The following MMD variants were observed in gnomAD, a reference collection of about 807,000 sequenced individuals.
The protein encoded by MMD is monocyte to macrophage differentiation factor.
A neutral mutation model predicts 33.6 loss-of-function variants in MMD; 22 were observed. The observed-to-expected ratio is 0.66, with a 90% CI of 0.47 to 0.94. MMD has a LOEUF of 0.94. Ranked by LOEUF, MMD falls within the 40% of genes least tolerant of loss-of-function variation. The probability of loss-of-function intolerance (pLI) is 0.00; values close to 1 mark genes in which losing one functional copy is unlikely to be tolerated. For missense variants in MMD, 242 were observed against 309.8 expected (o/e 0.78, Z 1.64); for synonymous variants, 97 against 103.2 (o/e 0.94, Z 0.36).
At chr17:55,411,179 G>T in intron 3 of MMD, 78 bp downstream of exon 3, 1 of 1,486,854 alleles carries the variant, frequency 6.7e-7, no homozygotes, top group Non-Finnish European at 9.1e-7. Context: ...CTTGACTAAA[G>T]CATGCCAGCT....
chr17:55,406,313 G>C (rs145044499), intron 4 of MMD, among the ~76,000 whole-genome samples: 2,016 of 152,092 alleles, frequency 0.013, 32 homozygotes, highest in Non-Finnish European at 0.021. Context: ...AGAATCACTT[G>C]AAACTGGGAG....
At position 55,411,431 on chromosome 17, in the gene MMD, A is replaced by G. The variant is rs372609790; in HGVS notation, c.109-14T>C. On this transcript the variant is annotated splice_polypyrimidine_tract_variant and intron_variant, in intron 2 of 6. Coordinates refer to ENST00000262065, the MANE Select transcript of MMD (RefSeq NM_012329.3). ...AACAATGAGGAACTGAGGGAAAGATAAAGAATGGTGAATGGAATATTCTGG... is the reference window on the plus strand; with the variant it reads ...AACAATGAGGAACTGAGGGAAAGATGAAGAATGGTGAATGGAATATTCTGG... The G allele has an allele frequency of 9.8e-5, 157 of 1,605,430 alleles. No individual in the cohort carries two copies. Among genetic ancestry groups the G allele is most frequent in the Non-Finnish European group, 1.2e-4 (142 of 1,177,046 alleles).
intron 1 of MMD, 137 bp downstream of exon 1, chr17:55,421,533 G>A: frequency 5.6e-6 from 7 of 1,248,544 alleles, no homozygotes; most frequent in Non-Finnish European, 6.7e-6. Context: ...GAATCCCCAG[G>A]GAACTGATCC....
intron 6 of MMD, among the ~76,000 whole-genome samples, chr17:55,395,965 G>A (rs1733377711): frequency 1.3e-5 from 2 of 152,218 alleles, no homozygotes; most frequent in Admixed American, 1.3e-4. Flanking sequence ...CCTTATTGCA[G>A]AGGTGAGGAG....
In MMD at chr17:55,392,911, T is replaced by C. The variant is rs947551356; in HGVS notation, c.*1423A>G. ...TCAAAATCAGAGAGTTCTAAACATA[T>C]ACAAAATAAACCTCTTTTAAAGCCA... On this transcript the variant is annotated 3_prime_UTR_variant, in exon 7 of 7. Coordinates refer to ENST00000262065, the MANE Select transcript of MMD (RefSeq NM_012329.3). 2 of 152,064 alleles carry C rather than the reference T, an allele frequency of 1.3e-5. No homozygotes were observed. Among genetic ancestry groups the C allele is most frequent in the African/African-American group, 2.4e-5 (1 of 41,402 alleles). 9.4% of individuals were successfully genotyped at this position (152,064 alleles called of 1,614,324 possible).
In MMD at chr17:55,403,882, C is replaced by G. The variant is rs757706530; in HGVS notation, c.345-14G>C. 2 of 1,582,922 alleles carry G rather than the reference C, an allele frequency of 1.3e-6. No individual in the cohort carries two copies. The highest frequency in any genetic ancestry group is 4.5e-5 in the East Asian group (2 of 44,614). On this transcript the variant is annotated splice_polypyrimidine_tract_variant and intron_variant, in intron 4 of 6. Coordinates refer to ENST00000262065, the MANE Select transcript of MMD (RefSeq NM_012329.3). ...CGAAGATTTAACCTAAAAATGTAAACGTGACAACAAAGAACAGAAGTGATA... is the reference window on the plus strand; with the variant it reads ...CGAAGATTTAACCTAAAAATGTAAAGGTGACAACAAAGAACAGAAGTGATA...
rs568642630 is a variant in MMD, at chr17:55,395,032, T to C, written c.517-498A>G. 3.3e-5 allele frequency among the ~76,000 whole-genome samples: 5 copies of C among 152,358 alleles called. 1 individual carries two copies. Among genetic ancestry groups the C allele is most frequent in the African/African-American group, 1.2e-4 (5 of 41,588 alleles). On this transcript the variant is annotated intron_variant, in intron 6 of 6. Coordinates refer to ENST00000262065, the MANE Select transcript of MMD (RefSeq NM_012329.3). ...GACTTCCCCTGCTTATGTGAGCTTA[T>C]AGATTCCTTAAGGCTGACACAGGAA... is the stretch of plus-strand genomic sequence containing the variant.
chr17:55,407,645 A>G (rs980199054), intron 4 of MMD, 101 bp downstream of exon 4: 7 of 1,045,632 alleles, frequency 6.7e-6, no homozygotes, highest in East Asian at 2.5e-5. Context: ...TGGTGTACAC[A>G]TGAGGGCTGA....
intron 5 of MMD, 37 bp from the exon 6 acceptor site, chr17:55,401,575 A>G (rs1567846844): frequency 1.3e-6 from 2 of 1,526,028 alleles, no homozygotes; most frequent in South Asian, 2.4e-5. Context: ...TAACTTATAA[A>G]TTTCTATAAC....
chr17:55,410,190 TG>T (rs1907707739), intron 3 of MMD, among the ~76,000 whole-genome samples: 1 of 152,240 alleles, frequency 6.6e-6, no homozygotes, highest in Non-Finnish European at 1.5e-5. Context: ...TGAAGTGATT[TG>T]AATTAGATGA....
intron 4 of MMD, among the ~76,000 whole-genome samples, chr17:55,405,619 C>A (rs529295412): frequency 6.6e-6 from 1 of 151,930 alleles, no homozygotes; most frequent in African/African-American, 2.4e-5. Context: ...TTTGGAACAC[C>A]CTGTAGGTTC....
At chr17:55,403,561 C>T (rs1026825643) in intron 5 of MMD, among the ~76,000 whole-genome samples, 2 of 152,170 alleles carry the variant, frequency 1.3e-5, no homozygotes, top group Non-Finnish European at 1.5e-5. Context: ...TACATTATAC[C>T]AAACCTGTAC....
intron 2 of MMD, among the ~76,000 whole-genome samples, chr17:55,412,866 C>T (rs1356751868): frequency 1.3e-5 from 2 of 151,946 alleles, no homozygotes; most frequent in Admixed American, 6.6e-5. Flanking sequence ...TAAAGGAATG[C>T]CCTTTATCTT....
chr17:55,394,573 T>G (rs781378621), intron 6 of MMD, 39 bp from the exon 7 acceptor site: 1 of 1,377,466 alleles, frequency 7.3e-7, no homozygotes, highest in African/African-American at 1.5e-5. Flanking sequence ...GGTTTGATGT[T>G]ACTCTGCATG....
At chr17:55,417,629 C>T (rs1908019975) in intron 1 of MMD, among the ~76,000 whole-genome samples, 1 of 151,944 alleles carries the variant, frequency 6.6e-6, no homozygotes, top group Admixed American at 6.6e-5. Context: ...CATCTCTACA[C>T]ACAAAAAAAA....
At chr17:55,411,634 C>T (rs1344525778) in intron 2 of MMD, among the ~76,000 whole-genome samples, 1 of 151,440 alleles carries the variant, frequency 6.6e-6, no homozygotes, top group Admixed American at 6.6e-5. Context: ...TTGTGCCAAC[C>T]AGTGGGGATA....
At chr17:55,397,888 G>A (rs2143118699) in intron 6 of MMD, among the ~76,000 whole-genome samples, 1 of 152,138 alleles carries the variant, frequency 6.6e-6, no homozygotes, top group South Asian at 2.1e-4. Context: ...CTGCTCCCAT[G>A]AATTCTGATA....
chr17:55,420,617 A>C (rs1269677944), intron 1 of MMD: 4 of 152,154 alleles, frequency 2.6e-5, no homozygotes, highest in Non-Finnish European at 5.9e-5. Flanking sequence ...TAAAATTCTG[A>C]AATAAAAGGT....
Position 55,421,718 on chromosome 17 carries a change from G to A in MMD, c.-23C>T, listed in dbSNP as rs1241172395. The A allele has an allele frequency of 3.8e-6, 6 of 1,584,320 alleles. No individual in the cohort carries two copies. The highest frequency in any genetic ancestry group is 5.1e-6 in the Non-Finnish European group (6 of 1,166,406). On this transcript the variant is annotated 5_prime_UTR_variant, in exon 1 of 7. Coordinates refer to ENST00000262065, the MANE Select transcript of MMD (RefSeq NM_012329.3). The stretch of plus-strand genomic sequence containing the variant: ...CATTGATCCTCTGCTCCTCCTCGGG[G>A]GCCAGGAGCTCCGTCTCGTCAGCAC...
Sources: gnomAD v4.1 joint callset for allele counts (sites outside exome capture counted in the v4.1 genomes callset) on GRCh38, gnomAD v4.1.1 for gene constraint, MANE v1.5 for transcripts, NCBI Gene and HGNC (gene_info 2026-07-23, HGNC 2026-07-21) for gene names.